ANK3: variants seen among roughly 807,000 people sequenced by gnomAD.
The protein encoded by ANK3 is ankyrin 3.
A neutral mutation model predicts 370.9 loss-of-function variants in ANK3; 57 were observed. The observed-to-expected ratio is 0.15, with a 90% CI of 0.12 to 0.19. The LOEUF (loss-of-function observed/expected upper bound fraction) is 0.19, where lower values mean the gene tolerates loss of function less well. Among genes scored for constraint, ANK3 ranks in the 10% least tolerant of loss-of-function variants. The pLI, the probability that ANK3 is intolerant of heterozygous loss-of-function variation, is 1.00. For missense variants in ANK3, 4,439 were observed against 5,302.1 expected, an observed-to-expected ratio of 0.84 and a Z score of 5.06; for synonymous variants, 1,929 against 1,946.3, an observed-to-expected ratio of 0.99 and a Z score of 0.23.
intron 2 of ANK3, among the ~76,000 whole-genome samples, chr10:60,449,342 A>C (rs1405524334): frequency 6.6e-6 from 1 of 152,024 alleles, no homozygotes; most frequent in Non-Finnish European, 1.5e-5. Flanking sequence ...CCTTTTTTGC[A>C]CAACAAATGT....
chr10:60,536,821 C>T (rs919730101), intron 2 of ANK3, among the ~76,000 whole-genome samples: 2 of 151,762 alleles, frequency 1.3e-5, no homozygotes, highest in African/African-American at 4.8e-5. Context: ...AATAGTGCAC[C>T]CAAGAGTATA....
intron 7 of ANK3, among the ~76,000 whole-genome samples, chr10:60,241,180 T>C (rs2097451388): frequency 1.3e-5 from 2 of 152,126 alleles, no homozygotes; most frequent in Admixed American, 1.3e-4. Flanking sequence ...ATGATGATTT[T>C]TTTTCCCATT....
At chr10:60,362,403 C>T (rs1244296381) in intron 1 of ANK3, among the ~76,000 whole-genome samples, 5 of 152,094 alleles carry the variant, frequency 3.3e-5, no homozygotes, top group African/African-American at 4.8e-5. Flanking sequence ...TTCAGAAAAC[C>T]GCACTGATTG....
intron 2 of ANK3, chr10:60,572,645 G>A: frequency 1.4e-6 from 2 of 1,458,252 alleles, no homozygotes; most frequent in East Asian, 5.0e-5. Context: ...GTGCTCCCCA[G>A]GCAAAGCAGC....
intron 28 of ANK3, among the ~76,000 whole-genome samples, chr10:60,091,693 C>T (rs1261196554): frequency 2.0e-5 from 3 of 151,664 alleles, no homozygotes; most frequent in Admixed American, 2.0e-4. Context: ...GCAATGTGCA[C>T]AGGATCATCC....
chr10:60,582,333 C>T (rs1402395403), intron 2 of ANK3, among the ~76,000 whole-genome samples: 1 of 152,096 alleles, frequency 6.6e-6, no homozygotes, highest in South Asian at 2.1e-4. Flanking sequence ...TGAGGCAGTA[C>T]ATCTATCTGA....
chr10:60,533,342 C>T (rs1363625320), intron 2 of ANK3, among the ~76,000 whole-genome samples: 1 of 152,132 alleles, frequency 6.6e-6, no homozygotes, highest in African/African-American at 2.4e-5. Flanking sequence ...CAGAGAAGGG[C>T]TCAGCACCCT....
chr10:60,186,992 T>G lies in ANK3; in HGVS notation c.1888-80A>C. 8 of 1,357,734 alleles carry G rather than the reference T, an allele frequency of 5.9e-6. No homozygotes were observed. In the South Asian group the frequency reaches 8.4e-5, roughly 14 times the overall value. The allele number at this position is 1,357,734 out of a possible 1,614,324, so 84.1% of individuals were successfully genotyped here. On this transcript the variant is annotated intron_variant, in intron 16 of 43. Transcript: ENST00000280772. ...AGTGCATTTTCAAATAGTTTATGTC[T>G]CTTTCTAGTGGTTTTCTATGATTGC...
intron 2 of ANK3, among the ~76,000 whole-genome samples, chr10:60,492,422 G>A (rs995645840): frequency 1.7e-4 from 26 of 151,978 alleles, no homozygotes; most frequent in Admixed American, 1.1e-3. Context: ...AAATGGCACC[G>A]TGGGGCTGGG....
At chr10:60,286,024 T>TA (rs1566265758) in intron 1 of ANK3, among the ~76,000 whole-genome samples, 2 of 152,034 alleles carry the variant, frequency 1.3e-5, no homozygotes, top group South Asian at 2.1e-4. Context: ...TCTCATTTTT[T>TA]AAAAAAAGTA....
chr10:60,270,309 C>T (rs1422954449), intron 4 of ANK3, 80 bp from the exon 5 acceptor site: 3 of 799,660 alleles, frequency 3.8e-6, no homozygotes, highest in Admixed American at 6.5e-5. Flanking sequence ...GATTTATGCT[C>T]CAAGAAGTGC....
At chr10:60,202,945 C>G in intron 12 of ANK3, 57 bp downstream of exon 12, 1 of 1,267,728 alleles carries the variant, frequency 7.9e-7, no homozygotes, top group Non-Finnish European at 1.1e-6. Flanking sequence ...ATAAAAACCA[C>G]CTTTGCCAGT....
At chr10:60,085,328 C>A in intron 30 of ANK3, 75 bp from the exon 31 acceptor site, 1 of 1,149,324 alleles carries the variant, frequency 8.7e-7, no homozygotes, top group South Asian at 1.4e-5. Flanking sequence ...AGATCCTGTT[C>A]TTCTTTCTGC....
chr10:60,057,088 T>C (rs1173643045), intron 41 of ANK3, among the ~76,000 whole-genome samples: 1 of 152,192 alleles, frequency 6.6e-6, no homozygotes, highest in Non-Finnish European at 1.5e-5. Flanking sequence ...ATTCTTTGTA[T>C]ATGTTTTCAG....
intron 2 of ANK3, among the ~76,000 whole-genome samples, chr10:60,614,189 A>C: frequency 6.6e-6 from 1 of 152,232 alleles, no homozygotes; most frequent in East Asian, 1.9e-4. Context: ...TAGTTAGTTT[A>C]ATCATATGAA....
rs372892522 is a variant in ANK3, at chr10:60,338,891, T to C, written c.114+50534A>G. 5.3e-5 allele frequency among the ~76,000 whole-genome samples: 8 copies of C among 151,678 alleles called. No homozygotes were observed. The East Asian group carries it at 1.2e-3, about 22-fold the overall frequency. ...AAACATATTTAATGTAGAAAAATTT[T>C]AGTTACCTGAAAGTTTTGTTTGTTT... On this transcript the variant is annotated intron_variant, in intron 1 of 43. Coordinates refer to ENST00000280772, the MANE Select transcript of ANK3 (RefSeq NM_020987.5).
chr10:60,238,239 T>G (rs1162168772), intron 7 of ANK3, among the ~76,000 whole-genome samples: 1 of 152,172 alleles, frequency 6.6e-6, no homozygotes, highest in African/African-American at 2.4e-5. Flanking sequence ...ACTTCCACTG[T>G]CTAAGCAAGC....
chr10:60,240,271 TACAC>T (rs1399752137), intron 7 of ANK3, among the ~76,000 whole-genome samples: 2 of 124,442 alleles, frequency 1.6e-5, no homozygotes, highest in African/African-American at 6.1e-5. Flanking sequence ...CACATATATA[TACAC>T]ACACACATAT....
chr10:60,331,230 C>T (rs1409996531), intron 1 of ANK3, among the ~76,000 whole-genome samples: 1 of 151,332 alleles, frequency 6.6e-6, no homozygotes, highest in East Asian at 2.0e-4. Context: ...CAAACCTGTA[C>T]GTTCTGCACA....
Sources: gnomAD v4.1 joint callset for allele counts (sites outside exome capture counted in the v4.1 genomes callset) on GRCh38, gnomAD v4.1.1 for gene constraint, MANE v1.5 for transcripts, NCBI Gene and HGNC (gene_info 2026-07-23, HGNC 2026-07-21) for gene names.